CCDC178: variants seen among roughly 807,000 people sequenced by gnomAD.
CCDC178 encodes coiled-coil domain-containing protein 178.
In CCDC178, 126 loss-of-function variants were observed where a neutral mutation model predicts 117.4. The ratio of observed to expected loss-of-function variants is 1.07; its 90% CI spans 0.93 to 1.24. The LOEUF (loss-of-function observed/expected upper bound fraction) is 1.24. Ranked by LOEUF, CCDC178 falls within the 50% of genes most tolerant of loss-of-function variation. The probability of loss-of-function intolerance (pLI) is 0.00; values close to 1 mark genes in which losing one functional copy is unlikely to be tolerated. For missense variants in CCDC178, 1,030 were observed against 986.9 expected, an observed-to-expected ratio of 1.04 and a Z score of -0.59; for synonymous variants, 283 against 313.4, an observed-to-expected ratio of 0.90 and a Z score of 1.02.
intron 21 of CCDC178, among the ~76,000 whole-genome samples, chr18:33,091,324 C>CTTTTTCTTTTTTTTTTTT (rs2057459797): frequency 2.3e-5 from 1 of 43,882 alleles, no homozygotes; most frequent in Non-Finnish European, 4.1e-5. Flanking sequence ...TTATTTCATT[C>CTTTTTCTTTTTTTTTTTT]TTTTTTTTTT....
intron 11 of CCDC178, among the ~76,000 whole-genome samples, chr18:33,304,047 G>C (rs548433230): frequency 7.4e-4 from 112 of 152,276 alleles, no homozygotes; most frequent in Non-Finnish European, 9.6e-4. Context: ...GCTAGGAATA[G>C]TGCATTGTAT....
intron 21 of CCDC178, among the ~76,000 whole-genome samples, chr18:32,984,721 C>A (rs547982176): frequency 6.6e-6 from 1 of 151,856 alleles, no homozygotes; most frequent in Non-Finnish European, 1.5e-5. Flanking sequence ...AAATTACCCT[C>A]ACAATAAAAA....
chr18:33,009,024 G>A lies in CCDC178; in HGVS notation c.2389-34343C>T, dbSNP rs368050359. 3.3e-5 allele frequency among the ~76,000 whole-genome samples: 5 copies of A among 151,910 alleles called. No individual in the cohort carries two copies. The East Asian group carries it at 7.7e-4, about 23-fold the overall frequency. On this transcript the variant is annotated intron_variant, in intron 21 of 22. Transcript: ENST00000383096. ...ATTTAAGACCAACTTCATTTTAGTTGTGTGGGCAAATCATCCTGGTATCAT... is the reference window on the plus strand; with the variant it reads ...ATTTAAGACCAACTTCATTTTAGTTATGTGGGCAAATCATCCTGGTATCAT...
intron 20 of CCDC178, among the ~76,000 whole-genome samples, chr18:33,108,306 A>T (rs917561660): frequency 6.8e-6 from 1 of 147,062 alleles, no homozygotes; most frequent in Non-Finnish European, 1.5e-5. Context: ...TTTCAAATCT[A>T]TTAAAATTTA....
At chr18:33,135,847 A>G (rs1253314999) in intron 20 of CCDC178, among the ~76,000 whole-genome samples, 1 of 152,170 alleles carries the variant, frequency 6.6e-6, no homozygotes, top group Non-Finnish European at 1.5e-5. Flanking sequence ...CTGCCCTGCA[A>G]GGTTTCCCAT....
rs972832833 is a variant in CCDC178, at chr18:33,237,471, G to T, written c.1593+7774C>A. On this transcript the variant is annotated intron_variant, in intron 15 of 22. Transcript: ENST00000383096. ...AGAGGCTTGAGAAACAGCTCCATGGGTTTCCACAGAAAACATGCTGCCAGG... is the reference window on the plus strand; with the variant it reads ...AGAGGCTTGAGAAACAGCTCCATGGTTTTCCACAGAAAACATGCTGCCAGG... Among the ~76,000 whole-genome samples, 11 of 152,292 alleles carry T rather than the reference G, an allele frequency of 7.2e-5. No individual in the cohort carries two copies. The East Asian group carries it at 1.9e-3, about 27-fold the overall frequency.
intron 5 of CCDC178, among the ~76,000 whole-genome samples, chr18:33,378,679 A>G (rs910092294): frequency 2.0e-5 from 3 of 152,170 alleles, no homozygotes; most frequent in Admixed American, 2.0e-4. Flanking sequence ...GTTTTTCGAC[A>G]TCTATTGAGA....
rs141108216 is a variant in CCDC178, at chr18:33,165,001, AT to A, written c.2238+46894del. Among the ~76,000 whole-genome samples, 354 of 152,312 alleles carry A rather than the reference AT, an allele frequency of 2.3e-3. 2 individuals are homozygous for A. Among genetic ancestry groups the A allele is most frequent in the African/African-American group, 8.2e-3 (341 of 41,576 alleles). On this transcript the variant is annotated intron_variant, in intron 20 of 22. Transcript: ENST00000383096. Reference sequence around the variant, plus strand: ...AGGTCTTCCAAATACTGATAAATGCATTATGTCATTTAAAAATCCCATTTGT... The same window carrying A: ...AGGTCTTCCAAATACTGATAAATGCATATGTCATTTAAAAATCCCATTTGT...
intron 4 of CCDC178, among the ~76,000 whole-genome samples, chr18:33,390,507 C>A (rs370170381): frequency 4.5e-4 from 69 of 152,014 alleles, no homozygotes; most frequent in South Asian, 4.1e-4. Context: ...ACCAGTGAAA[C>A]GAATGAGCTG....
intron 21 of CCDC178, among the ~76,000 whole-genome samples, chr18:33,045,008 C>T (rs555953913): frequency 2.0e-5 from 3 of 152,002 alleles, no homozygotes; most frequent in South Asian, 4.2e-4. Flanking sequence ...CACAAATGGT[C>T]GGAGGATGCA....
chr18:33,397,241 T>C (rs369672419), intron 3 of CCDC178, 33 bp from the exon 4 acceptor site: 2 of 1,434,624 alleles, frequency 1.4e-6, no homozygotes, highest in East Asian at 2.3e-5. Context: ...AAATAAAATA[T>C]CTGCTTCCTG....
chr18:33,132,908 C>T (rs951966276), intron 20 of CCDC178, among the ~76,000 whole-genome samples: 1 of 151,858 alleles, frequency 6.6e-6, no homozygotes, highest in East Asian at 1.9e-4. Flanking sequence ...CAACAGATTT[C>T]GATTCCCTAA....
chr18:33,002,502 C>T (rs930324249), intron 21 of CCDC178, among the ~76,000 whole-genome samples: 4 of 151,614 alleles, frequency 2.6e-5, no homozygotes, highest in African/African-American at 7.3e-5. Context: ...AAAGGAAATA[C>T]AACACACCAA....
chr18:33,128,820 T>C (rs1454932916), intron 20 of CCDC178, among the ~76,000 whole-genome samples: 9 of 152,186 alleles, frequency 5.9e-5, no homozygotes, highest in Non-Finnish European at 1.2e-4. Context: ...TTTCTTTTTT[T>C]GTAAATGAGT....
At chr18:33,315,795 T>C (rs1391772910) in intron 11 of CCDC178, among the ~76,000 whole-genome samples, 5 of 152,236 alleles carry the variant, frequency 3.3e-5, no homozygotes, top group Non-Finnish European at 4.4e-5. Context: ...TAATAATGTT[T>C]ACTAAACAGA....
intron 20 of CCDC178, among the ~76,000 whole-genome samples, chr18:33,109,597 T>C (rs2057754016): frequency 6.6e-6 from 1 of 151,546 alleles, no homozygotes; most frequent in African/African-American, 2.4e-5. Context: ...CATGAAAATA[T>C]AGAAAAAATA....
intron 11 of CCDC178, chr18:33,323,171 T>A (rs1177429542): frequency 6.1e-6 from 1 of 162,634 alleles, no homozygotes; most frequent in Admixed American, 6.4e-5. Flanking sequence ...CATGCTGGAT[T>A]TTTTTAAAAT....
chr18:33,235,082 T>G (rs1423800809), intron 15 of CCDC178, among the ~76,000 whole-genome samples: 2 of 152,138 alleles, frequency 1.3e-5, no homozygotes, highest in Non-Finnish European at 2.9e-5. Context: ...ACTCAAAGGA[T>G]GGGCCTATAA....
At chr18:32,985,026 A>G (rs1451135862) in intron 21 of CCDC178, among the ~76,000 whole-genome samples, 3 of 151,942 alleles carry the variant, frequency 2.0e-5, no homozygotes, top group African/African-American at 7.2e-5. Context: ...AGACCCACTT[A>G]TTTTAATGCA....
Sources: gnomAD v4.1 joint callset for allele counts (sites outside exome capture counted in the v4.1 genomes callset) on GRCh38, gnomAD v4.1.1 for gene constraint, MANE v1.5 for transcripts, NCBI Gene and HGNC (gene_info 2026-07-23, HGNC 2026-07-21) for gene names.